The following SAMD4B variants were observed in gnomAD, a reference collection of about 807,000 sequenced individuals.
SAMD4B encodes the protein protein Smaug homolog 2.
SAMD4B carries 5 observed loss-of-function variants against 74.5 expected under a neutral mutation model. That is an observed-to-expected ratio of 0.07 (90% CI 0.04 to 0.14). SAMD4B has a LOEUF of 0.14. Among genes scored for constraint, SAMD4B ranks in the 10% least tolerant of loss-of-function variants. SAMD4B has a pLI of 1.00. For missense variants in SAMD4B, 608 were observed against 921.8 expected, an observed-to-expected ratio of 0.66 and a Z score of 4.41; for synonymous variants, 373 against 374.9, an observed-to-expected ratio of 1.00 and a Z score of 0.06.
Position 39,383,849 on chromosome 19 carries a change from C to G in SAMD4B, c.*322C>G, listed in dbSNP as rs964287083. On this transcript the variant is annotated 3_prime_UTR_variant, in exon 14 of 14. Coordinates refer to ENST00000610417, the MANE Select transcript of SAMD4B (RefSeq NM_001384574.2). This position sits in a 1 kb window ranked among gnomAD's most constrained non-coding sequence, Gnocchi z 4.1. The stretch of plus-strand genomic sequence containing the variant: ...CATCCCACCCCTGCCTCCTCCAGAC[C>G]GCTGACCACCTGCCTCTCCCCAAGG... The G allele has an allele frequency of 5.1e-6, 4 of 784,044 alleles. No homozygotes were observed. Among genetic ancestry groups the G allele is most frequent in the Admixed American group, 2.6e-5 (1 of 38,746 alleles). The allele number at this position is 784,044 out of a possible 1,614,324, so 48.6% of individuals were successfully genotyped here. A position where few individuals can be genotyped will look rare whatever the true frequency, so the allele number is the denominator to read the frequency against.
chr19:39,387,257 A>G (rs1568373100), downstream of SAMD4B: 3 of 383,868 alleles, frequency 7.8e-6, no homozygotes, highest in Admixed American at 8.0e-5. Context: ...AATAGTAAGT[A>G]TTTGTGTATC....
In SAMD4B at chr19:39,377,769, G is replaced by A. The variant is rs1342352010; in HGVS notation, c.1389G>A (p.Pro463=). The part of the protein sequence containing the change: ...PAPTDGSEPA[P]APVADGDIPS... ...CCACTGATGGCAGTGAGCCTGCCCC[G>A]GCTCCCGTCGCCGACGGAGACATCC... is the stretch of plus-strand genomic sequence containing the variant. The change falls in exon 8 of 14, where the codon CCG becomes CCA. Residue 463 remains proline (P), a synonymous_variant. Coordinates refer to ENST00000610417, the MANE Select transcript of SAMD4B (RefSeq NM_001384574.2). 2.2e-5 allele frequency: 36 copies of A among 1,613,250 alleles called. No individual in the cohort carries two copies. The highest frequency in any genetic ancestry group is 3.3e-5 in the South Asian group (3 of 91,030).
intron 3 of SAMD4B, among the ~76,000 whole-genome samples, chr19:39,368,725 G>T (rs566915712): frequency 6.6e-6 from 1 of 152,208 alleles, no homozygotes; most frequent in African/African-American, 2.4e-5. Flanking sequence ...ACAATAGCAA[G>T]CATTTATTAT....
At chr19:39,358,060 C>T (rs538018415) in intron 3 of SAMD4B, among the ~76,000 whole-genome samples, 8 of 152,128 alleles carry the variant, frequency 5.3e-5, no homozygotes, top group Non-Finnish European at 7.4e-5. Context: ...CACCTGAGGT[C>T]GGGAGTTCGA....
intron 4 of SAMD4B, 110 bp downstream of exon 4, chr19:39,370,235 GC>G: frequency 9.2e-7 from 1 of 1,083,132 alleles, no homozygotes; most frequent in Non-Finnish European, 1.4e-6. Context: ...TAAGCTGTAG[GC>G]CTCAACTTTA....
At chr19:39,347,724 T>TTTTG (rs1297723544) in intron 1 of SAMD4B, among the ~76,000 whole-genome samples, 1 of 152,188 alleles carries the variant, frequency 6.6e-6, no homozygotes, top group East Asian at 1.9e-4. Flanking sequence ...TGGAGTTTTG[T>TTTTG]TTTGTTTGTT....
At chr19:39,389,754 G>A (rs1386071193), downstream of SAMD4B, 1 of 1,614,094 alleles carries the variant, frequency 6.2e-7, no homozygotes, top group Non-Finnish European at 8.5e-7. This position sits in a 1 kb window ranked among gnomAD's most constrained non-coding sequence, Gnocchi z 5.3. Flanking sequence ...GCTTTGTACT[G>A]GACGAACCTG....
Position 39,383,480 on chromosome 19 carries a change from C to T in SAMD4B, c.2057-19C>T. 1 of 1,613,352 alleles carries T rather than the reference C, an allele frequency of 6.2e-7. No individual in the cohort carries two copies. The highest frequency in any genetic ancestry group is 1.7e-5 in the Admixed American group (1 of 60,032). On this transcript the variant is annotated intron_variant, in intron 13 of 13. Coordinates refer to ENST00000610417, the MANE Select transcript of SAMD4B (RefSeq NM_001384574.2). The surrounding 1 kb of genome is among the most constrained non-coding windows in gnomAD (Gnocchi z 4.1). Reference sequence around the variant, plus strand: ...CTCCAGCTCCTGATCTTCCTCCCTTCCTCCCTTTCTTACCACAGATGGGAC... The same window carrying T: ...CTCCAGCTCCTGATCTTCCTCCCTTTCTCCCTTTCTTACCACAGATGGGAC...
At chr19:39,389,203 G>C (rs747108134), downstream of SAMD4B, 1 of 1,613,566 alleles carries the variant, frequency 6.2e-7, no homozygotes, top group East Asian at 2.2e-5. The surrounding 1 kb of genome is among the most constrained non-coding windows in gnomAD (Gnocchi z 5.3). Context: ...CCAATCCTAG[G>C]AATGAAGAAA....
chr19:39,375,596 T>G lies in SAMD4B; in HGVS notation c.668-54T>G. ...TGGCACTGACGGCAGGGGGATGGTC[T>G]CCTGTGGTTGGGTCCCCAGGTCTAA... is the stretch of plus-strand genomic sequence containing the variant. On this transcript the variant is annotated intron_variant, in intron 4 of 13. Transcript: ENST00000610417. The surrounding 1 kb of genome is among the most constrained non-coding windows in gnomAD (Gnocchi z 4.1). 3 of 1,570,142 alleles carry G rather than the reference T, an allele frequency of 1.9e-6. No individual in the cohort carries two copies. The highest frequency in any genetic ancestry group is 1.7e-5 in the Admixed American group (1 of 57,516).
intron 12 of SAMD4B, among the ~76,000 whole-genome samples, chr19:39,382,559 A>T (rs11673094): frequency 2.0e-5 from 3 of 152,128 alleles, no homozygotes; most frequent in African/African-American, 7.2e-5. Flanking sequence ...ATCCAGGTAA[A>T]CAGCTCGGAC....
chr19:39,367,759 T>C (rs2077052775), intron 3 of SAMD4B, among the ~76,000 whole-genome samples: 1 of 151,310 alleles, frequency 6.6e-6, no homozygotes. Flanking sequence ...TCCACCTGCC[T>C]CAGCCTCCCA....
At chr19:39,345,564 T>C (rs148965313) in intron 1 of SAMD4B, among the ~76,000 whole-genome samples, 2 of 152,278 alleles carry the variant, frequency 1.3e-5, no homozygotes, top group African/African-American at 4.8e-5. Context: ...TTTCATTCTG[T>C]GTCTTACTGC....
At chr19:39,358,995 A>C (rs191900212) in intron 3 of SAMD4B, among the ~76,000 whole-genome samples, 2 of 152,354 alleles carry the variant, frequency 1.3e-5, no homozygotes, top group Admixed American at 1.3e-4. Flanking sequence ...CAGGGGTCAC[A>C]TCAGCTTAGT....
intron 1 of SAMD4B, among the ~76,000 whole-genome samples, chr19:39,347,900 T>C (rs547326899): frequency 6.6e-6 from 1 of 152,256 alleles, no homozygotes; most frequent in African/African-American, 2.4e-5. Context: ...TTCAAGGTCC[T>C]GAAATTCATG....
At chr19:39,385,994 G>C, downstream of SAMD4B, 1 of 1,613,456 alleles carries the variant, frequency 6.2e-7, no homozygotes, top group Non-Finnish European at 8.5e-7. Context: ...CTGGGACTCA[G>C]TCACTGTCAC....
intron 1 of SAMD4B, chr19:39,350,868 G>C (rs560874633): frequency 1.3e-5 from 2 of 152,244 alleles, no homozygotes; most frequent in Non-Finnish European, 2.9e-5. Context: ...TCCTCCCAAA[G>C]TAGCTGGGAC....
At chr19:39,342,792 G>A (rs2075387235) in intron 1 of SAMD4B, among the ~76,000 whole-genome samples, 1 of 151,692 alleles carries the variant, frequency 6.6e-6, no homozygotes, top group Non-Finnish European at 1.5e-5. Context: ...GGCCCTGGCC[G>A]AAGCTTCCCT....
In SAMD4B at chr19:39,378,608, T is replaced by C; in HGVS notation, c.1530+19T>C. ...TCATGAGGTAAGGCCTTCCCTAGCA[T>C]ACTCAAAAAGGGAAAGGCGGCCAGG... On this transcript the variant is annotated intron_variant, in intron 9 of 13. Transcript: ENST00000610417. The surrounding 1 kb of genome is among the most constrained non-coding windows in gnomAD (Gnocchi z 4.4). The C allele has an allele frequency of 6.2e-7, 1 of 1,610,446 alleles. No individual in the cohort carries two copies. The highest frequency in any genetic ancestry group is 8.5e-7 in the Non-Finnish European group (1 of 1,176,942).
Sources: allele counts gnomAD v4.1 joint callset (sites outside exome capture counted in the v4.1 genomes callset), GRCh38; gene constraint gnomAD v4.1.1; non-coding constraint Gnocchi (gnomAD v3.1); transcripts MANE v1.5; gene names NCBI Gene and HGNC (gene_info 2026-07-23, HGNC 2026-07-21).